ARID1B: variants seen among roughly 807,000 people sequenced by gnomAD.
The protein encoded by ARID1B is AT-rich interaction domain 1B.
In ARID1B, 30 loss-of-function variants were observed where a neutral mutation model predicts 212.3. That is an observed-to-expected ratio of 0.14 (90% CI 0.11 to 0.19). The LOEUF (loss-of-function observed/expected upper bound fraction) is 0.19, where lower values mean the gene tolerates loss of function less well. Among genes scored for constraint, ARID1B ranks in the 10% least tolerant of loss-of-function variants. The pLI is 1.00. For missense variants in ARID1B, 2,891 were observed against 3,204.0 expected (o/e 0.90, Z 2.36); for synonymous variants, 1,402 against 1,301.7 (o/e 1.08, Z -1.66).
At chr6:156,795,825 C>T (rs1780330845) in intron 1 of ARID1B, among the ~76,000 whole-genome samples, 1 of 152,052 alleles carries the variant, frequency 6.6e-6, no homozygotes, top group Non-Finnish European at 1.5e-5. Flanking sequence ...TCTTTATGTC[C>T]CCAACTATTC....
intron 1 of ARID1B, among the ~76,000 whole-genome samples, chr6:156,786,807 G>A (rs1432828690): frequency 6.6e-6 from 1 of 152,214 alleles, no homozygotes; most frequent in African/African-American, 2.4e-5. Flanking sequence ...CTGTTGGTGT[G>A]CGGATCATGC....
At chr6:157,006,919 G>GA (rs1223091943) in intron 4 of ARID1B, among the ~76,000 whole-genome samples, 1 of 152,150 alleles carries the variant, frequency 6.6e-6, no homozygotes, top group Non-Finnish European at 1.5e-5. Flanking sequence ...GTTTGCTAAA[G>GA]AAAAAATGCT....
chr6:157,147,050 AAGCACTTAACCAAGTGCCC>A (rs1045022528), intron 7 of ARID1B, among the ~76,000 whole-genome samples: 10 of 152,210 alleles, frequency 6.6e-5, no homozygotes, highest in Middle Eastern at 6.8e-3. Context: ...CATTGGTGCA[AAGCACTTAACCAAGTGCCC>A]AGCACACACT....
At chr6:156,982,905 G>T (rs901246488) in intron 4 of ARID1B, among the ~76,000 whole-genome samples, 1 of 152,076 alleles carries the variant, frequency 6.6e-6, no homozygotes, top group Non-Finnish European at 1.5e-5. Context: ...CCTCAAAAGT[G>T]TGAGAATCTT....
chr6:157,172,337 A>G (rs1354571110), intron 9 of ARID1B, among the ~76,000 whole-genome samples: 4 of 152,336 alleles, frequency 2.6e-5, no homozygotes, highest in Non-Finnish European at 5.9e-5. Flanking sequence ...TTTTTAGCTG[A>G]TCCCAATAGA....
intron 6 of ARID1B, among the ~76,000 whole-genome samples, chr6:157,122,925 A>T (rs553717787): frequency 2.0e-5 from 3 of 151,882 alleles, no homozygotes; most frequent in Non-Finnish European, 4.4e-5. Flanking sequence ...CAGGTGATCC[A>T]CCCGCCTCAG....
At chr6:157,157,839 G>A (rs895149437) in intron 8 of ARID1B, among the ~76,000 whole-genome samples, 16 of 152,176 alleles carry the variant, frequency 1.1e-4, no homozygotes, top group East Asian at 7.7e-4. Context: ...CCTGGGCAAC[G>A]TAGTGAGCCA....
At chr6:157,156,140 G>A (rs1379854773) in intron 8 of ARID1B, among the ~76,000 whole-genome samples, 1 of 152,204 alleles carries the variant, frequency 6.6e-6, no homozygotes, top group Admixed American at 6.5e-5. Context: ...TCAAGCCCCA[G>A]TTGTAGTGGG....
intron 2 of ARID1B, chr6:156,871,669 A>C (rs745639769): frequency 6.2e-7 from 1 of 1,610,670 alleles, no homozygotes; most frequent in Admixed American, 1.7e-5. Flanking sequence ...ATCTTCTTAC[A>C]TGCTCTTACT....
rs1782838958 is a variant in ARID1B, at chr6:157,054,809, TAA to T, written c.2248-29850_2248-29849del. ...AATCATTATACATTTTATTTTAGCATAAAACACATAAATGTCTATTCACGTGT... is the reference window on the plus strand; with the variant it reads ...AATCATTATACATTTTATTTTAGCATAACACATAAATGTCTATTCACGTGT... On this transcript the variant is annotated intron_variant, in intron 4 of 19. Coordinates refer to ENST00000636930, the MANE Select transcript of ARID1B (RefSeq NM_001374828.1). Among the ~76,000 whole-genome samples, 7 of 152,350 alleles carry T rather than the reference TAA, an allele frequency of 4.6e-5. No individual in the cohort carries two copies. In the South Asian group the frequency reaches 1.4e-3, roughly 32 times the overall value.
At position 157,077,708 on chromosome 6, in the gene ARID1B, ATTG is replaced by A. The variant is rs542627817; in HGVS notation, c.2248-6948_2248-6946del. 1.5e-3 allele frequency among the ~76,000 whole-genome samples: 221 copies of A among 152,252 alleles called. 1 individual carries two copies. The highest frequency in any genetic ancestry group is 4.9e-3 in the African/African-American group (203 of 41,546). The stretch of plus-strand genomic sequence containing the variant: ...TCCATCATAGAATTTTCTGCACTTC[ATTG>A]TTGTTTGTGTGGTTTGTCTCTCTTC... On this transcript the variant is annotated intron_variant, in intron 4 of 19. Transcript: ENST00000636930.
At chr6:156,978,436 A>G (rs967720510) in intron 4 of ARID1B, among the ~76,000 whole-genome samples, 4 of 152,246 alleles carry the variant, frequency 2.6e-5, no homozygotes, top group African/African-American at 9.6e-5. Context: ...ACAGGAATGA[A>G]TATTAGGAGA....
chr6:156,846,894 CT>C (rs1480042217), intron 2 of ARID1B, among the ~76,000 whole-genome samples: 1 of 152,168 alleles, frequency 6.6e-6, no homozygotes, highest in African/African-American at 2.4e-5. Context: ...GGGTTCTGCA[CT>C]TTAATTAGCT....
intron 5 of ARID1B, among the ~76,000 whole-genome samples, chr6:157,103,926 C>A (rs1445908975): frequency 6.7e-6 from 1 of 149,618 alleles, no homozygotes; most frequent in Admixed American, 6.7e-5. Context: ...ACGTCCACTT[C>A]CCAGGTTCAA....
At chr6:156,843,677 T>C (rs1045442678) in intron 2 of ARID1B, among the ~76,000 whole-genome samples, 3 of 152,222 alleles carry the variant, frequency 2.0e-5, no homozygotes, top group African/African-American at 7.2e-5. Context: ...AAAATTGGTA[T>C]TTTGCAGTTA....
chr6:156,896,446 C>T (rs1190095312), intron 2 of ARID1B, among the ~76,000 whole-genome samples: 10 of 151,484 alleles, frequency 6.6e-5, no homozygotes, highest in Admixed American at 1.3e-4. Flanking sequence ...CGTGGTGGCC[C>T]GCTCCTGTAA....
At chr6:157,056,639 A>AT (rs1782971751) in intron 4 of ARID1B, among the ~76,000 whole-genome samples, 1 of 152,212 alleles carries the variant, frequency 6.6e-6, no homozygotes, top group South Asian at 2.1e-4. Flanking sequence ...CTTCATAGGC[A>AT]TGCAAATAAT....
At chr6:157,091,390 G>T (rs1049925168) in intron 5 of ARID1B, among the ~76,000 whole-genome samples, 23 of 152,214 alleles carry the variant, frequency 1.5e-4, no homozygotes, top group Non-Finnish European at 8.8e-5. Flanking sequence ...CCTTCAGCAA[G>T]TGAGAGCTAA....
rs189662115 is a variant in ARID1B at position 157,206,319 on chromosome 6, C to T, written c.5547C>T (p.Asp1849=). 1.7e-4 allele frequency: 267 copies of T among 1,614,066 alleles called. No individual in the cohort carries two copies. The highest frequency in any genetic ancestry group is 3.3e-4 in the Middle Eastern group (2 of 6,062). The change falls in exon 20 of 20, where the codon GAC becomes GAT. Residue 1849 remains aspartate (D), a synonymous_variant. Transcript: ENST00000636930. This position sits in a 1 kb window ranked among gnomAD's most constrained non-coding sequence, Gnocchi z 6.8. ...AGGATGACAGCCAGTCCTTGGCAGACGATTCTGGGAAAGAGGAGGAAGATG... is the reference window on the plus strand; with the variant it reads ...AGGATGACAGCCAGTCCTTGGCAGATGATTCTGGGAAAGAGGAGGAAGATG... The part of the protein sequence containing the change: ...ARKDDSQSLA[D]DSGKEEEDAE...
Sources: gnomAD v4.1 joint callset for allele counts (sites outside exome capture counted in the v4.1 genomes callset) on GRCh38, gnomAD v4.1.1 for gene constraint, Gnocchi (gnomAD v3.1) non-coding constraint, MANE v1.5 for transcripts, NCBI Gene and HGNC (gene_info 2026-07-23, HGNC 2026-07-21) for gene names.